SLC27A4: variants seen among roughly 807,000 people sequenced by gnomAD.
The protein encoded by SLC27A4 is solute carrier family 27 member 4.
SLC27A4 carries 33 observed loss-of-function variants against 64.4 expected under a neutral mutation model. The observed-to-expected ratio is 0.51, with a 90% CI of 0.39 to 0.68. The LOEUF (loss-of-function observed/expected upper bound fraction) is 0.68. SLC27A4 is among the 30% of genes least tolerant of loss of function. SLC27A4 has a pLI of 0.00. For synonymous variants in SLC27A4, 377 were observed against 370.0 expected, an observed-to-expected ratio of 1.02 and a Z score of -0.22; for missense variants, 824 against 883.5, an observed-to-expected ratio of 0.93 and a Z score of 0.85.
At chr9:128,347,617 C>T (rs1309193114) in intron 3 of SLC27A4, among the ~76,000 whole-genome samples, 1 of 151,328 alleles carries the variant, frequency 6.6e-6, no homozygotes, top group African/African-American at 2.4e-5. Flanking sequence ...ATCTTGGCTA[C>T]TCAGGAGGCT....
chr9:128,343,415 A>G, intron 2 of SLC27A4, 122 bp downstream of exon 2: 1 of 1,162,934 alleles, frequency 8.6e-7, no homozygotes, highest in Non-Finnish European at 1.3e-6. Flanking sequence ...GCTGAGTTCC[A>G]GAACAGCAGC....
rs770921425 is a variant in SLC27A4, at chr9:128,353,076, C to T, written c.1039C>T (p.Arg347Trp). The T allele has an allele frequency of 2.1e-5, 34 of 1,613,982 alleles. No homozygotes were observed. In the Admixed American group the frequency reaches 2.8e-4, roughly 13 times the overall value. The change falls in exon 8 of 13, where the codon CGG becomes TGG. Residue 347 changes from arginine (R) to tryptophan (W), a missense_variant. Arg to Trp is a moderately radical substitution (Grantham distance 101). Transcript: ENST00000300456. The surrounding 1 kb of genome is among the most constrained non-coding windows in gnomAD (Gnocchi z 4.9). Reference protein sequence around the residue: ...LCRYLLNQPPREAENQHQVRM... With the variant: ...LCRYLLNQPPWEAENQHQVRM... ...CCGCTACCTCCTGAACCAGCCACCG[C>T]GGGAGGCAGAAAACCAGCACCAGGT...
intron 3 of SLC27A4, 129 bp from the exon 4 acceptor site, chr9:128,348,416 A>G: frequency 2.7e-6 from 3 of 1,120,380 alleles, no homozygotes; most frequent in Non-Finnish European, 4.0e-6. Context: ...CTGAAGGCCC[A>G]GTTGCTTCAC....
chr9:128,352,208 A>AG (rs1315500339), intron 6 of SLC27A4, among the ~76,000 whole-genome samples: 8 of 152,108 alleles, frequency 5.3e-5, no homozygotes, highest in Admixed American at 5.2e-4. Context: ...AAAAAAAAAA[A>AG]AAGTTGTTTT....
rs1832802758 is a variant in SLC27A4 at position 128,355,397 on chromosome 9, G to C, written c.1463-1G>C. 1 of 1,613,538 alleles carries C rather than the reference G, an allele frequency of 6.2e-7. No individual in the cohort carries two copies. The highest frequency in any genetic ancestry group is 1.1e-5 in the South Asian group (1 of 91,090). ...CCCTGCCTCATCCGGCCCCTCCCTAGGTGATGTGCTGGTGATGGACGAGCT... is the reference window on the plus strand; with the variant it reads ...CCCTGCCTCATCCGGCCCCTCCCTACGTGATGTGCTGGTGATGGACGAGCT... On this transcript the variant is annotated splice_acceptor_variant, in intron 10 of 12. Transcript: ENST00000300456. LOFTEE classifies it high-confidence loss of function.
At chr9:128,344,364 A>G (rs1209584920) in intron 2 of SLC27A4, among the ~76,000 whole-genome samples, 1 of 152,036 alleles carries the variant, frequency 6.6e-6, no homozygotes, top group East Asian at 1.9e-4. Flanking sequence ...CCAAAATACA[A>G]AAAAGTTAGC....
At chr9:128,340,955 C>T (rs1832561616) in intron 1 of SLC27A4, 117 bp downstream of exon 1, 2 of 482,886 alleles carry the variant, frequency 4.1e-6, no homozygotes, top group Admixed American at 7.4e-5. Flanking sequence ...ATTTCCCCGA[C>T]AGACGCACTG....
intron 9 of SLC27A4, among the ~76,000 whole-genome samples, chr9:128,354,457 G>T (rs1318349486): frequency 6.6e-6 from 1 of 152,166 alleles, no homozygotes; most frequent in African/African-American, 2.4e-5. Flanking sequence ...CTCTGAGTGG[G>T]TCCCGGCATG....
intron 3 of SLC27A4, among the ~76,000 whole-genome samples, chr9:128,346,967 T>A (rs1003667985): frequency 1.3e-5 from 2 of 152,214 alleles, no homozygotes; most frequent in African/African-American, 4.8e-5. Flanking sequence ...ATCACGTCAC[T>A]GTGTTCCAGC....
intron 7 of SLC27A4, 66 bp from the exon 8 acceptor site, chr9:128,352,959 T>C: frequency 7.2e-7 from 1 of 1,397,966 alleles, no homozygotes; most frequent in Non-Finnish European, 1.0e-6. Context: ...GCTTGAGGGA[T>C]CAGGAGAATC....
At chr9:128,354,971 A>G in intron 9 of SLC27A4, 82 bp from the exon 10 acceptor site, 1 of 1,374,060 alleles carries the variant, frequency 7.3e-7, no homozygotes, top group Non-Finnish European at 9.7e-7. Flanking sequence ...AAAAAAAAAA[A>G]AAAGACGCAG....
Position 128,355,070 on chromosome 9 carries a change from G to C in SLC27A4, c.1342G>C (p.Val448Leu). 1.9e-6 allele frequency: 3 copies of C among 1,610,982 alleles called. No individual in the cohort carries two copies. The highest frequency in any genetic ancestry group is 2.5e-6 in the Non-Finnish European group (3 of 1,178,792). ...PCQPGEPGQLVGRIIQKDPLR... is the reference protein window; with the variant it reads ...PCQPGEPGQLLGRIIQKDPLR... ...CACCCCAGGTGAGCCGGGCCAGCTG[G>C]TGGGCCGCATCATCCAGAAAGACCC... Residue 448 changes from valine to leucine, a missense_variant, in exon 10 of 13, where the codon GTG becomes CTG. By Grantham distance (32) the Val-to-Leu change is conservative. Transcript: ENST00000300456.
chr9:128,357,507 G>C (rs896510229), intron 12 of SLC27A4, among the ~76,000 whole-genome samples: 1 of 152,198 alleles, frequency 6.6e-6, no homozygotes, highest in Non-Finnish European at 1.5e-5. Context: ...TCTGGCTGCT[G>C]TGTACGGAGT....
In SLC27A4 at chr9:128,340,625, G is replaced by A; in HGVS notation, c.-220G>A. On this transcript the variant is annotated 5_prime_UTR_variant, in exon 1 of 13. In the 5' UTR this introduces an upstream ATG that the reference lacks. Coordinates refer to ENST00000300456, the MANE Select transcript of SLC27A4 (RefSeq NM_005094.4). ...TGCGGCCTGGCACAGCAGGTTTGGG[G>A]TGCGGGAGGCGGGCGGGGTAGGAGC... is the stretch of plus-strand genomic sequence containing the variant. 3.4e-6 allele frequency: 1 copy of A among 293,792 alleles called. No individual in the cohort carries two copies. The highest frequency in any genetic ancestry group is 6.2e-6 in the Non-Finnish European group (1 of 160,352). 18.2% of individuals were successfully genotyped at this position (293,792 alleles called of 1,614,324 possible).
In SLC27A4 at chr9:128,360,344, G is replaced by A. The variant is rs764905781; in HGVS notation, c.1785G>A (p.Lys595=). 1.2e-5 allele frequency: 19 copies of A among 1,614,114 alleles called. No homozygotes were observed. The highest frequency in any genetic ancestry group is 1.6e-5 in the Non-Finnish European group (19 of 1,180,026). ...LPELHKTGTY[K]FQKTELRKEG... ...TCCCTGCTCTCCCAGGAACCTACAA[G>A]TTCCAGAAGACAGAGCTACGGAAGG... The change falls in exon 13 of 13, where the codon AAG becomes AAA. Residue 595 remains lysine (K), a synonymous_variant. Coordinates refer to ENST00000300456, the MANE Select transcript of SLC27A4 (RefSeq NM_005094.4).
At chr9:128,341,579 G>T (rs986398259) in intron 1 of SLC27A4, among the ~76,000 whole-genome samples, 12 of 152,064 alleles carry the variant, frequency 7.9e-5, no homozygotes, top group Non-Finnish European at 1.8e-4. Flanking sequence ...GCTCTAACTC[G>T]TTTTCTGGGT....
chr9:128,347,392 A>G (rs765107847), intron 3 of SLC27A4, among the ~76,000 whole-genome samples: 6 of 151,958 alleles, frequency 3.9e-5, no homozygotes, highest in Non-Finnish European at 8.8e-5. Flanking sequence ...TTCTCCCCAC[A>G]CTGTTGTGGT....
intron 1 of SLC27A4, chr9:128,342,705 G>A: frequency 3.0e-6 from 1 of 328,548 alleles, no homozygotes; most frequent in South Asian, 3.4e-5. Context: ...TTGTTCAAAT[G>A]ATTTTAATTA....
chr9:128,352,594 G>A (rs1832753083), intron 6 of SLC27A4, 44 bp from the exon 7 acceptor site: 5 of 1,476,288 alleles, frequency 3.4e-6, no homozygotes, highest in Non-Finnish European at 4.7e-6. Flanking sequence ...GCCGGGGAGG[G>A]TCTTCATCTC....
Sources: gnomAD v4.1 joint callset for allele counts (sites outside exome capture counted in the v4.1 genomes callset) on GRCh38, gnomAD v4.1.1 for gene constraint, Gnocchi (gnomAD v3.1) non-coding constraint, MANE v1.5 for transcripts, NCBI Gene and HGNC (gene_info 2026-07-23, HGNC 2026-07-21) for gene names.